The following MLIP variants were observed in gnomAD, a reference collection of about 807,000 sequenced individuals.
MLIP encodes muscular LMNA interacting protein.
Under a neutral mutation model 84.8 loss-of-function variants are expected in MLIP, and 79 were observed. The ratio of observed to expected loss-of-function variants is 0.93; its 90% confidence interval spans 0.78 to 1.12. The LOEUF is 1.12. Among genes scored for constraint, MLIP ranks in the 50% most tolerant of loss-of-function variants. MLIP has a pLI of 0.00. For synonymous variants in MLIP, 504 were observed against 463.0 expected, an observed-to-expected ratio of 1.09 and a Z score of -1.14; for missense variants, 1,257 against 1,160.6, an observed-to-expected ratio of 1.08 and a Z score of -1.21.
intron 12 of MLIP, among the ~76,000 whole-genome samples, chr6:54,244,725 A>G (rs1781961570): frequency 6.6e-6 from 1 of 152,186 alleles, no homozygotes; most frequent in Non-Finnish European, 1.5e-5. Context: ...ATCATAAAAC[A>G]GTTGGCTTTT....
intron 1 of MLIP, among the ~76,000 whole-genome samples, chr6:54,098,917 G>T (rs535353080): frequency 5.3e-5 from 8 of 152,200 alleles, no homozygotes; most frequent in African/African-American, 1.7e-4. Flanking sequence ...TCTGTCCAAG[G>T]TTTCACTGCT....
intron 11 of MLIP, among the ~76,000 whole-genome samples, chr6:54,220,444 G>A (rs984273891): frequency 2.0e-5 from 3 of 152,086 alleles, no homozygotes; most frequent in Admixed American, 2.0e-4. Flanking sequence ...ATTCAGCTGG[G>A]GATACGTGTG....
At chr6:54,110,888 A>T (rs1322759431), upstream of MLIP, among the ~76,000 whole-genome samples, 1 of 152,232 alleles carries the variant, frequency 6.6e-6, no homozygotes, top group Non-Finnish European at 1.5e-5. Context: ...GCTTTATTTT[A>T]GAGGTGATTT....
chr6:54,093,456 G>T (rs892156104), intron 1 of MLIP, among the ~76,000 whole-genome samples: 2 of 151,182 alleles, frequency 1.3e-5, no homozygotes, highest in Non-Finnish European at 2.9e-5. Context: ...ATGACTTGTG[G>T]TTGGAAAAAC....
At chr6:54,019,978 C>A (rs1168586746) in intron 1 of MLIP, among the ~76,000 whole-genome samples, 2 of 152,114 alleles carry the variant, frequency 1.3e-5, no homozygotes, top group Non-Finnish European at 2.9e-5. Flanking sequence ...AATACACAAC[C>A]TTTTCTTAAA....
At chr6:54,220,308 G>A (rs1442358705) in intron 11 of MLIP, among the ~76,000 whole-genome samples, 3 of 152,100 alleles carry the variant, frequency 2.0e-5, no homozygotes, top group Non-Finnish European at 4.4e-5. Context: ...AGGTCATGAA[G>A]CTGTGCAATT....
chr6:54,179,493 G>T (rs1019928915), intron 9 of MLIP, among the ~76,000 whole-genome samples: 1 of 151,342 alleles, frequency 6.6e-6, no homozygotes, highest in African/African-American at 2.4e-5. Flanking sequence ...CCTTTTTCCT[G>T]TCTTTCTTTT....
chr6:54,056,575 T>C (rs1765674334), intron 1 of MLIP, among the ~76,000 whole-genome samples: 1 of 152,204 alleles, frequency 6.6e-6, no homozygotes, highest in Non-Finnish European at 1.5e-5. Context: ...AATACTTTTA[T>C]ATTTTCGTGT....
intron 4 of MLIP, among the ~76,000 whole-genome samples, chr6:54,147,867 T>C (rs1773025925): frequency 6.6e-6 from 1 of 152,130 alleles, no homozygotes; most frequent in Non-Finnish European, 1.5e-5. Flanking sequence ...TCCTTTTCAT[T>C]ATCTAACTCA....
At chr6:54,028,211 C>A (rs1004664397) in intron 1 of MLIP, among the ~76,000 whole-genome samples, 4 of 152,060 alleles carry the variant, frequency 2.6e-5, no homozygotes, top group Admixed American at 2.0e-4. Flanking sequence ...CTCAAGGGTC[C>A]TTTTATTAAT....
At chr6:54,108,914 G>C (rs2150401942), upstream of MLIP, among the ~76,000 whole-genome samples, 4 of 152,050 alleles carry the variant, frequency 2.6e-5, no homozygotes, top group East Asian at 7.7e-4. Flanking sequence ...TAAACTGATT[G>C]ACCACTGACA....
intron 9 of MLIP, among the ~76,000 whole-genome samples, chr6:54,183,254 C>T (rs1335864596): frequency 6.6e-6 from 1 of 152,096 alleles, no homozygotes; most frequent in African/African-American, 2.4e-5. Flanking sequence ...AAATCAGGTC[C>T]AGATCTGCTT....
At chr6:54,084,791 A>G (rs1268817689) in intron 1 of MLIP, among the ~76,000 whole-genome samples, 1 of 152,180 alleles carries the variant, frequency 6.6e-6, no homozygotes, top group African/African-American at 2.4e-5. Context: ...ATTTTAATCT[A>G]AGAGTCACGG....
chr6:54,248,594 A>C (rs1050089382), intron 12 of MLIP, among the ~76,000 whole-genome samples: 2 of 152,182 alleles, frequency 1.3e-5, no homozygotes, highest in Non-Finnish European at 2.9e-5. Flanking sequence ...AATAATGAGC[A>C]GACAAAAATT....
At chr6:54,124,038 G>T (rs1431076573) in intron 2 of MLIP, among the ~76,000 whole-genome samples, 1 of 152,106 alleles carries the variant, frequency 6.6e-6, no homozygotes, top group African/African-American at 2.4e-5. Context: ...TTTTTAGAGA[G>T]ATTTTGTATT....
At chr6:54,211,660 A>C (rs1779460992) in intron 11 of MLIP, among the ~76,000 whole-genome samples, 1 of 152,228 alleles carries the variant, frequency 6.6e-6, no homozygotes, top group Non-Finnish European at 1.5e-5. Flanking sequence ...AGTGATTCTC[A>C]ACCAGAGATG....
chr6:54,111,749 A>G (rs1352221137), intron 1 of MLIP, among the ~76,000 whole-genome samples, 174 bp downstream of exon 1: 2 of 152,178 alleles, frequency 1.3e-5, no homozygotes, highest in Admixed American at 1.3e-4. Flanking sequence ...ATAAAGACAA[A>G]ACTGCTCATT....
intron 1 of MLIP, among the ~76,000 whole-genome samples, chr6:54,088,701 A>C (rs1280635345): frequency 6.6e-6 from 1 of 152,222 alleles, no homozygotes; most frequent in East Asian, 1.9e-4. Context: ...ATTGGTAAGC[A>C]AATCTCGCGG....
At chr6:54,073,533 C>A (rs1766613103) in intron 1 of MLIP, among the ~76,000 whole-genome samples, 1 of 152,078 alleles carries the variant, frequency 6.6e-6, no homozygotes, top group South Asian at 2.1e-4. Flanking sequence ...ACTAGATCAC[C>A]CAAGTTTATG....
Sources: gnomAD v4.1 joint callset for allele counts (sites outside exome capture counted in the v4.1 genomes callset) on GRCh38, gnomAD v4.1.1 for gene constraint, MANE v1.5 for transcripts, NCBI Gene and HGNC (gene_info 2026-07-23, HGNC 2026-07-21) for gene names.